Variants in RBM19 observed in about 807,000 individuals in gnomAD.
RBM19 encodes the protein RNA binding motif protein 19.
In RBM19, 94 loss-of-function variants were observed where a neutral mutation model predicts 116.8. The observed-to-expected ratio is 0.80, with a 90% confidence interval of 0.68 to 0.95. The LOEUF is 0.95. Among genes scored for constraint, RBM19 ranks in the 40% least tolerant of loss-of-function variants. The pLI is 0.00. For synonymous variants in RBM19, 475 were observed against 494.1 expected (o/e 0.96, Z 0.51); for missense variants, 1,161 against 1,220.7 (o/e 0.95, Z 0.73).
intron 23 of RBM19, among the ~76,000 whole-genome samples, chr12:113,833,214 G>T (rs1294499176): frequency 6.6e-6 from 1 of 152,148 alleles, no homozygotes; most frequent in Non-Finnish European, 1.5e-5. Flanking sequence ...GTGGCTTGGA[G>T]CAAAAACCTA....
At position 113,918,416 on chromosome 12, in the gene RBM19, A is replaced by G; in HGVS notation, c.2417T>C (p.Val806Ala). 2 of 1,614,174 alleles carry G rather than the reference A, an allele frequency of 1.2e-6. No individual in the cohort carries two copies. Among genetic ancestry groups the G allele is most frequent in the Non-Finnish European group, 1.7e-6 (2 of 1,180,022 alleles). Reference sequence around the variant, plus strand: ...CTTAGTGGCTCGTTCCGAGATCCTCACTTCCAGCTTGTGGCCGTCCACGAC... The same window carrying G: ...CTTAGTGGCTCGTTCCGAGATCCTCGCTTCCAGCTTGTGGCCGTCCACGAC... ...GHVVDGHKLE[V>A]RISERATKPA... Residue 806 changes from valine to alanine, a missense_variant, in exon 20 of 24, where the codon GTG (valine) becomes GCG (alanine). Val to Ala is a moderately conservative substitution (Grantham distance 64). Transcript: ENST00000261741.
At chr12:113,890,764 C>T (rs1030312874) in intron 21 of RBM19, among the ~76,000 whole-genome samples, 2 of 152,198 alleles carry the variant, frequency 1.3e-5, no homozygotes, top group Non-Finnish European at 2.9e-5. Flanking sequence ...GCTGTGTGCT[C>T]CCCAATGCAA....
chr12:113,937,381 T>G (rs769790783), intron 15 of RBM19: 12 of 344,744 alleles, frequency 3.5e-5, no homozygotes, highest in Non-Finnish European at 5.2e-5. Flanking sequence ...ACCAGACATA[T>G]GGCAGCTCCC....
intron 21 of RBM19, among the ~76,000 whole-genome samples, chr12:113,893,120 C>T (rs1299655404): frequency 6.6e-6 from 1 of 151,640 alleles, no homozygotes; most frequent in East Asian, 1.9e-4. Context: ...CAGCCTCCAA[C>T]TCCTGGGCTC....
intron 21 of RBM19, among the ~76,000 whole-genome samples, chr12:113,887,027 T>C (rs540784925): frequency 2.9e-4 from 44 of 152,358 alleles, no homozygotes; most frequent in African/African-American, 9.9e-4. Context: ...GGGTGGTTTT[T>C]ACATTTTTAA....
At chr12:113,848,068 C>T (rs1333880824) in intron 22 of RBM19, among the ~76,000 whole-genome samples, 2 of 152,188 alleles carry the variant, frequency 1.3e-5, no homozygotes, top group Non-Finnish European at 2.9e-5. Context: ...GCTGCTGAAC[C>T]TCTCTGAGCC....
intron 18 of RBM19, 127 bp from the exon 19 acceptor site, chr12:113,920,817 C>G (rs1036483037): frequency 6.1e-6 from 5 of 824,014 alleles, no homozygotes; most frequent in South Asian, 1.6e-5. Context: ...TTCATTCCCC[C>G]CAAAAATCTC....
At chr12:113,820,453 A>G (rs1422814693), downstream of RBM19, among the ~76,000 whole-genome samples, 2 of 151,902 alleles carry the variant, frequency 1.3e-5, no homozygotes, top group Non-Finnish European at 2.9e-5. Flanking sequence ...TGCAGGGAGG[A>G]AGGCCGGGAC....
At chr12:113,955,066 T>G (rs1871797720) in intron 7 of RBM19, 65 bp downstream of exon 7, 2 of 1,535,028 alleles carry the variant, frequency 1.3e-6, no homozygotes, top group African/African-American at 1.4e-5. Context: ...CAAAGGCTCC[T>G]GGCCTCCCCA....
intron 21 of RBM19, among the ~76,000 whole-genome samples, chr12:113,908,258 G>C (rs986940507): frequency 2.6e-5 from 4 of 152,140 alleles, no homozygotes; most frequent in African/African-American, 2.4e-5. Context: ...GGAAGCTTTT[G>C]GAAAAGTACT....
chr12:113,957,926 T>G lies in RBM19; in HGVS notation c.696A>C (p.Glu232Asp). ...SSSEEEESED[E>D]AVHCDEGSEA... ...CACTCCCTTCATCACAGTGCACGGCTTCATCTTCACTTTCCTCTTCCTCCG... is the reference window on the plus strand; with the variant it reads ...CACTCCCTTCATCACAGTGCACGGCGTCATCTTCACTTTCCTCTTCCTCCG... Residue 232 changes from glutamate to aspartate, a missense_variant, in exon 6 of 24, where the codon GAA becomes GAC. Glu to Asp is a conservative substitution (Grantham distance 45, BLOSUM62 2). Transcript: ENST00000261741. 1.9e-6 allele frequency: 3 copies of G among 1,614,166 alleles called. No homozygotes were observed. The highest frequency in any genetic ancestry group is 2.5e-6 in the Non-Finnish European group (3 of 1,180,016).
chr12:113,819,659 C>T (rs1053337550), downstream of RBM19, among the ~76,000 whole-genome samples: 1 of 152,172 alleles, frequency 6.6e-6, no homozygotes, highest in Non-Finnish European at 1.5e-5. Flanking sequence ...CTCCCGTGTC[C>T]CCCTCCCAGT....
At chr12:113,909,472 T>C (rs551941659) in intron 21 of RBM19, among the ~76,000 whole-genome samples, 2 of 152,270 alleles carry the variant, frequency 1.3e-5, no homozygotes, top group Admixed American at 6.5e-5. Flanking sequence ...GAAAAGCTAA[T>C]TGCCCAAAGC....
At chr12:113,917,482 A>G (rs763147468) in intron 20 of RBM19, among the ~76,000 whole-genome samples, 1 of 152,224 alleles carries the variant, frequency 6.6e-6, no homozygotes, top group Non-Finnish European at 1.5e-5. Context: ...GTACCAAGCC[A>G]TCTTCCCTCC....
At chr12:113,951,899 G>A (rs914804026) in intron 8 of RBM19, among the ~76,000 whole-genome samples, 23 of 152,188 alleles carry the variant, frequency 1.5e-4, no homozygotes, top group African/African-American at 5.5e-4. Context: ...CAGCCTCCCC[G>A]CAGCTACAGG....
intron 23 of RBM19, among the ~76,000 whole-genome samples, chr12:113,832,122 C>T (rs1278785891): frequency 1.3e-5 from 2 of 152,138 alleles, no homozygotes; most frequent in African/African-American, 4.8e-5. Context: ...GGAACCACTT[C>T]CCAACATGAC....
chr12:113,912,296 C>A (rs1212155694), intron 21 of RBM19, among the ~76,000 whole-genome samples: 1 of 152,240 alleles, frequency 6.6e-6, no homozygotes, highest in Non-Finnish European at 1.5e-5. Flanking sequence ...AGTTTCCTCT[C>A]TGGTCCCCCA....
At chr12:113,956,738 A>G (rs1449118474) in intron 6 of RBM19, among the ~76,000 whole-genome samples, 1 of 152,054 alleles carries the variant, frequency 6.6e-6, no homozygotes, top group Non-Finnish European at 1.5e-5. Flanking sequence ...CCTCTGGGGA[A>G]GCGCCCACGT....
At chr12:113,835,856 C>T (rs1593461237) in intron 23 of RBM19, among the ~76,000 whole-genome samples, 1 of 152,204 alleles carries the variant, frequency 6.6e-6, no homozygotes, top group Non-Finnish European at 1.5e-5. Context: ...AATAAGACAA[C>T]ATGGGAAGCA....
Sources: gnomAD v4.1 joint callset for allele counts (sites outside exome capture counted in the v4.1 genomes callset) on GRCh38, gnomAD v4.1.1 for gene constraint, MANE v1.5 for transcripts, NCBI Gene and HGNC (gene_info 2026-07-23, HGNC 2026-07-21) for gene names.